Variants in ADGRL2 observed in about 807,000 individuals in gnomAD.
ADGRL2 encodes the protein adhesion G protein-coupled receptor L2.
Under a neutral mutation model 157.4 loss-of-function variants are expected in ADGRL2, and 44 were observed. The ratio of observed to expected loss-of-function variants is 0.28; its 90% CI spans 0.22 to 0.36. The LOEUF (loss-of-function observed/expected upper bound fraction) is 0.36. Among genes scored for constraint, ADGRL2 ranks in the 10% least tolerant of loss-of-function variants. ADGRL2 has a pLI of 1.00. For synonymous variants in ADGRL2, 585 were observed against 624.7 expected, an observed-to-expected ratio of 0.94 and a Z score of 0.95; for missense variants, 1,510 against 1,768.9, an observed-to-expected ratio of 0.85 and a Z score of 2.63.
intron 2 of ADGRL2, among the ~76,000 whole-genome samples, chr1:81,452,042 C>T (rs1402730045): frequency 1.3e-5 from 2 of 152,120 alleles, no homozygotes; most frequent in Non-Finnish European, 2.9e-5. Context: ...TCAACTTTCC[C>T]TTTCAAGGCA....
At chr1:81,360,039 T>G (rs1482323502) in intron 1 of ADGRL2, among the ~76,000 whole-genome samples, 1 of 152,014 alleles carries the variant, frequency 6.6e-6, no homozygotes, top group African/African-American at 2.4e-5. Context: ...AGTCCTTAAC[T>G]TAAAATGCTC....
At chr1:81,737,224 G>C (rs1246376247) in intron 1 of ADGRL2, among the ~76,000 whole-genome samples, 1 of 152,164 alleles carries the variant, frequency 6.6e-6, no homozygotes, top group Non-Finnish European at 1.5e-5. Context: ...AGAACTACCT[G>C]AGACTGGGTT....
At chr1:81,593,363 G>A (rs1056472199) in intron 3 of ADGRL2, among the ~76,000 whole-genome samples, 2 of 152,066 alleles carry the variant, frequency 1.3e-5, no homozygotes, top group Non-Finnish European at 2.9e-5. Flanking sequence ...TGTAAACTTG[G>A]GTAAAATATT....
chr1:81,611,438 T>C (rs1165608904), intron 3 of ADGRL2, among the ~76,000 whole-genome samples: 2 of 152,210 alleles, frequency 1.3e-5, no homozygotes, highest in African/African-American at 4.8e-5. Flanking sequence ...ATAATCTTTG[T>C]TACTACTTTT....
At chr1:81,932,235 A>G (rs926780999) in intron 3 of ADGRL2, among the ~76,000 whole-genome samples, 2 of 152,190 alleles carry the variant, frequency 1.3e-5, no homozygotes, top group Non-Finnish European at 2.9e-5. Flanking sequence ...TTAGCAAAAC[A>G]TTATACTTCT....
At chr1:81,699,501 A>G (rs1306984702), upstream of ADGRL2, among the ~76,000 whole-genome samples, 5 of 152,204 alleles carry the variant, frequency 3.3e-5, no homozygotes, top group Admixed American at 2.6e-4. Flanking sequence ...CTTGAGCAAA[A>G]TATTGGAAGC....
chr1:81,412,598 A>G (rs112034416), intron 1 of ADGRL2, among the ~76,000 whole-genome samples: 88 of 152,318 alleles, frequency 5.8e-4, no homozygotes, highest in South Asian at 1.9e-3. Flanking sequence ...AAGAGACTCC[A>G]TCTTCTATGT....
rs2082775390 is a variant in ADGRL2 at position 81,667,484 on chromosome 1, A to G, written c.-143+86504A>G. Reference sequence around the variant, plus strand: ...TGTATAAAGACAGTTTTATAGTGCTACATAACAGCTATTGACTAAAGAACT... The same window carrying G: ...TGTATAAAGACAGTTTTATAGTGCTGCATAACAGCTATTGACTAAAGAACT... On this transcript the variant is annotated intron_variant, in intron 3 of 24. Coordinates refer to the ADGRL2 transcript ENST00000370721. 2.0e-5 allele frequency among the ~76,000 whole-genome samples: 3 copies of G among 152,212 alleles called. No individual in the cohort carries two copies. In the South Asian group the frequency reaches 6.2e-4, roughly 31 times the overall value.
At chr1:81,319,199 G>A (rs1013556992) in intron 1 of ADGRL2, among the ~76,000 whole-genome samples, 7 of 151,132 alleles carry the variant, frequency 4.6e-5, no homozygotes, top group East Asian at 2.0e-4. Flanking sequence ...CACCTGCCTC[G>A]GCCTCCCAAA....
At chr1:81,427,020 G>A in intron 1 of ADGRL2, 3 of 1,055,526 alleles carry the variant, frequency 2.8e-6, no homozygotes, top group South Asian at 1.3e-5. Context: ...AAATACCACA[G>A]TTGATAACAT....
chr1:81,390,581 C>T (rs947239609), intron 1 of ADGRL2, among the ~76,000 whole-genome samples: 1 of 151,880 alleles, frequency 6.6e-6, no homozygotes, highest in Non-Finnish European at 1.5e-5. Flanking sequence ...TCCCTCCTAT[C>T]ATTTGTTTCA....
chr1:81,469,082 C>G (rs2078118096), intron 2 of ADGRL2, among the ~76,000 whole-genome samples: 1 of 152,188 alleles, frequency 6.6e-6, no homozygotes, highest in Admixed American at 6.5e-5. Flanking sequence ...AAAGCATGCT[C>G]TGTCAGTGGT....
At chr1:81,566,519 A>G (rs2080566744) in intron 2 of ADGRL2, among the ~76,000 whole-genome samples, 1 of 152,170 alleles carries the variant, frequency 6.6e-6, no homozygotes, top group Non-Finnish European at 1.5e-5. Flanking sequence ...TGCATTCATT[A>G]TATTCTGACT....
At chr1:81,722,918 G>A in intron 1 of ADGRL2, 1 of 738,084 alleles carries the variant, frequency 1.4e-6, no homozygotes, top group South Asian at 1.4e-5. Flanking sequence ...AATTCTTAGT[G>A]ATCTAGAGGT....
upstream of ADGRL2, among the ~76,000 whole-genome samples, chr1:81,696,569 G>T (rs1033271038): frequency 6.6e-6 from 1 of 151,980 alleles, no homozygotes; most frequent in Non-Finnish European, 1.5e-5. Flanking sequence ...TGGCTAACAC[G>T]GTGAAACCCC....
intron 1 of ADGRL2, among the ~76,000 whole-genome samples, chr1:81,377,582 A>G (rs1438383325): frequency 6.6e-6 from 1 of 152,112 alleles, no homozygotes; most frequent in African/African-American, 2.4e-5. Context: ...ATGGAGGCTT[A>G]TACTACCTCT....
At chr1:81,432,001 A>G (rs2077331232) in intron 1 of ADGRL2, among the ~76,000 whole-genome samples, 1 of 152,184 alleles carries the variant, frequency 6.6e-6, no homozygotes, top group Non-Finnish European at 1.5e-5. Flanking sequence ...TTTACCACCC[A>G]AAAGTTATTG....
At chr1:81,782,896 G>A (rs1273379311) in intron 2 of ADGRL2, among the ~76,000 whole-genome samples, 1 of 152,082 alleles carries the variant, frequency 6.6e-6, no homozygotes, top group Non-Finnish European at 1.5e-5. Flanking sequence ...AAGAAGACAG[G>A]GCACAGGGAA....
chr1:81,417,000 G>A (rs2077044212), intron 1 of ADGRL2, among the ~76,000 whole-genome samples: 1 of 152,254 alleles, frequency 6.6e-6, no homozygotes, highest in East Asian at 1.9e-4. Flanking sequence ...GTAGTTCTCA[G>A]AACGTGCTTA....
Sources: gnomAD v4.1 joint callset for allele counts (sites outside exome capture counted in the v4.1 genomes callset) on GRCh38, gnomAD v4.1.1 for gene constraint, MANE v1.5 for transcripts, NCBI Gene and HGNC (gene_info 2026-07-23, HGNC 2026-07-21) for gene names.